The following N4BP1 variants were observed in gnomAD, a reference collection of about 807,000 sequenced individuals.
N4BP1 encodes NEDD4-binding protein 1.
N4BP1 carries 21 observed loss-of-function variants against 70.9 expected under a neutral mutation model. That is an observed-to-expected ratio of 0.30 (90% CI 0.21 to 0.43). The LOEUF is 0.43. Among genes scored for constraint, N4BP1 ranks in the 20% least tolerant of loss-of-function variants. The pLI is 1.00. For missense variants in N4BP1, 936 were observed against 1,069.4 expected (o/e 0.88, Z 1.74); for synonymous variants, 387 against 394.6 (o/e 0.98, Z 0.23).
intron 1 of N4BP1, among the ~76,000 whole-genome samples, chr16:48,584,645 C>T (rs1964217414): frequency 5.3e-5 from 8 of 151,654 alleles, no homozygotes; most frequent in Admixed American, 5.3e-4. Flanking sequence ...TGTAGTGATA[C>T]ATGCCTGTAT....
In N4BP1 at chr16:48,546,192, C is replaced by T. The variant is rs757913128; in HGVS notation, c.2288G>A (p.Ser763Asn). 6 of 1,613,162 alleles carry T rather than the reference C, an allele frequency of 3.7e-6. No individual in the cohort carries two copies. The Admixed American group carries it at 6.7e-5, about 18-fold the overall frequency. ...AAGAAACTCCTCTAATCGAGGTCCA[C>T]TTCTTCCCAGAGGATCATCGGGAAC... ...FMVPDDPLGR[S>N]GPRLEEFLQK... Residue 763 changes from serine (S) to asparagine (N), a missense_variant, in exon 6 of 7, where the codon AGT (serine) becomes AAT (asparagine). By Grantham distance (46) the Ser-to-Asn change is conservative. Transcript: ENST00000262384.
intron 2 of N4BP1, among the ~76,000 whole-genome samples, chr16:48,556,174 T>TA (rs1458093455): frequency 3.9e-5 from 6 of 152,236 alleles, no homozygotes; most frequent in African/African-American, 7.2e-5. Flanking sequence ...TTTGATACTC[T>TA]AAAAAAATCT....
intron 1 of N4BP1, among the ~76,000 whole-genome samples, chr16:48,573,584 C>A (rs891625261): frequency 6.6e-6 from 1 of 152,064 alleles, no homozygotes. Flanking sequence ...CAGAGTGAGA[C>A]TTTGTCTCAA....
intron 1 of N4BP1, among the ~76,000 whole-genome samples, chr16:48,564,276 G>GAAGACCTC (rs1567433000): frequency 6.6e-6 from 1 of 152,194 alleles, no homozygotes; most frequent in Admixed American, 6.5e-5. Flanking sequence ...CTGGGGTACT[G>GAAGACCTC]AAGACCTCTC....
At chr16:48,569,424 C>T (rs1335276674) in intron 1 of N4BP1, among the ~76,000 whole-genome samples, 7 of 152,176 alleles carry the variant, frequency 4.6e-5, no homozygotes, top group Non-Finnish European at 7.4e-5. Flanking sequence ...CAGGGTCTTG[C>T]TCTTGTCACC....
chr16:48,557,781 C>A (rs1183745620), intron 2 of N4BP1, among the ~76,000 whole-genome samples: 1 of 152,108 alleles, frequency 6.6e-6, no homozygotes, highest in Non-Finnish European at 1.5e-5. Flanking sequence ...AAGAAAAATT[C>A]TAATTTGCCT....
At chr16:48,558,293 C>T (rs1288396649) in intron 2 of N4BP1, among the ~76,000 whole-genome samples, 1 of 98,264 alleles carries the variant, frequency 1.0e-5, no homozygotes. Flanking sequence ...ATCAGTTTTC[C>T]AAAAAAAAAA....
chr16:48,561,115 C>T lies in N4BP1; in HGVS notation c.1528G>A (p.Gly510Arg). 1 of 1,613,940 alleles carries T rather than the reference C, an allele frequency of 6.2e-7. No individual in the cohort carries two copies. The highest frequency in any genetic ancestry group is 8.5e-7 in the Non-Finnish European group (1 of 1,179,872). ...ACTCTGGGCTGGTGACTTGAAGCTC[C>T]CCTTGAAACAAAATTGACTTCTTTG... ...SPKEVNFVSR[G>R]ASSHQPRVPL... Residue 510 changes from glycine to arginine, a missense_variant, in exon 2 of 7, where the codon GGA becomes AGA. Transcript: ENST00000262384.
At chr16:48,551,332 G>T in intron 4 of N4BP1, 54 bp downstream of exon 4, 1 of 1,382,534 alleles carries the variant, frequency 7.2e-7, no homozygotes, top group Non-Finnish European at 1.0e-6. Context: ...AGAGCAGGTG[G>T]CTGGCTCCTC....
intron 2 of N4BP1, among the ~76,000 whole-genome samples, chr16:48,557,879 A>G (rs1963779071): frequency 6.6e-6 from 1 of 152,226 alleles, no homozygotes; most frequent in Non-Finnish European, 1.5e-5. Flanking sequence ...GAAGAAACAC[A>G]AATCAGTTTC....
At chr16:48,574,209 C>T (rs1964061006) in intron 1 of N4BP1, among the ~76,000 whole-genome samples, 1 of 152,102 alleles carries the variant, frequency 6.6e-6, no homozygotes. Flanking sequence ...TTAAACCATG[C>T]GTATATATTA....
chr16:48,588,972 G>C (rs1964290927), intron 1 of N4BP1, among the ~76,000 whole-genome samples: 1 of 152,112 alleles, frequency 6.6e-6, no homozygotes, highest in Non-Finnish European at 1.5e-5. Flanking sequence ...GAAAAAGTTT[G>C]CCAATGTACA....
intron 1 of N4BP1, among the ~76,000 whole-genome samples, chr16:48,576,143 A>T (rs1394020461): frequency 1.3e-5 from 2 of 152,162 alleles, no homozygotes; most frequent in African/African-American, 4.8e-5. Flanking sequence ...CAGCATAAAC[A>T]TGAATTAGAA....
intron 1 of N4BP1, among the ~76,000 whole-genome samples, chr16:48,574,438 GTTT>G (rs1964064399): frequency 6.6e-6 from 1 of 152,104 alleles, no homozygotes; most frequent in Non-Finnish European, 1.5e-5. Flanking sequence ...TTCTGGATTA[GTTT>G]AATTGAATAT....
At position 48,556,044 on chromosome 16, in the gene N4BP1, G is replaced by A. The variant is rs146826856; in HGVS notation, c.1890-2375C>T. Among the ~76,000 whole-genome samples the A allele has an allele frequency of 1.2e-3, 178 of 152,232 alleles. 1 individual carries two copies. The highest frequency in any genetic ancestry group is 2.0e-3 in the Non-Finnish European group (139 of 68,000). ...TGTAACAAGGAAGGAAATGCAGACC[G>A]ATGAATTCTGCTGCCCTGGACTCCT... On this transcript the variant is annotated intron_variant, in intron 2 of 6. Transcript: ENST00000262384.
chr16:48,552,699 GAAAAAAAAAAAAAAAAAA>G (rs71134556), intron 3 of N4BP1, among the ~76,000 whole-genome samples: 288 of 18,480 alleles, frequency 0.016, 1 homozygote, highest in East Asian at 0.025. Context: ...CTCCGTCTCA[GAAAAAAAAAAAAAAAAAA>G]AAAAAAAAAA....
At chr16:48,580,264 C>G (rs113649507) in intron 1 of N4BP1, among the ~76,000 whole-genome samples, 172 of 152,134 alleles carry the variant, frequency 1.1e-3, no homozygotes, top group African/African-American at 3.1e-3. Flanking sequence ...ACAACTGATA[C>G]TGCAGATTTA....
chr16:48,562,685 A>T (rs1441052970), intron 1 of N4BP1, among the ~76,000 whole-genome samples: 1 of 152,200 alleles, frequency 6.6e-6, no homozygotes, highest in African/African-American at 2.4e-5. Context: ...ATTTTGTAAC[A>T]TTTTATGCAA....
chr16:48,556,569 G>T (rs1396863088), intron 2 of N4BP1, among the ~76,000 whole-genome samples: 3 of 152,216 alleles, frequency 2.0e-5, no homozygotes, highest in Non-Finnish European at 4.4e-5. Context: ...CAGGTGTCCA[G>T]GCCCTCAAGA....
Sources: gnomAD v4.1 joint callset for allele counts (sites outside exome capture counted in the v4.1 genomes callset) on GRCh38, gnomAD v4.1.1 for gene constraint, MANE v1.5 for transcripts, NCBI Gene and HGNC (gene_info 2026-07-23, HGNC 2026-07-21) for gene names.